Variants in NFIA observed in about 807,000 individuals in gnomAD.
NFIA encodes the protein nuclear factor 1 A-type.
In NFIA, 8 loss-of-function variants were observed where a neutral mutation model predicts 62.8. The ratio of observed to expected loss-of-function variants is 0.13; its 90% CI spans 0.07 to 0.23. The LOEUF (loss-of-function observed/expected upper bound fraction) is 0.23. NFIA is among the 10% of genes least tolerant of loss of function. The probability of loss-of-function intolerance (pLI) is 1.00; values close to 1 mark genes in which losing one functional copy is unlikely to be tolerated. For missense variants in NFIA, 410 were observed against 642.1 expected, an observed-to-expected ratio of 0.64 and a Z score of 3.91; for synonymous variants, 235 against 238.1, an observed-to-expected ratio of 0.99 and a Z score of 0.12.
rs762362241 is a variant in NFIA, at chr1:61,196,928, TGTGTGTGTGTGTGC to T, written c.560-80590_560-80577del. Among the ~76,000 whole-genome samples, 209 of 122,736 alleles carry T rather than the reference TGTGTGTGTGTGTGC, an allele frequency of 1.7e-3. 1 individual carries two copies. Among genetic ancestry groups the T allele is most frequent in the Middle Eastern group, 4.4e-3 (1 of 226 alleles). 80.5% of individuals were successfully genotyped at this position (122,736 alleles called of 152,430 possible). A position where few individuals can be genotyped will look rare whatever the true frequency, so the allele number is the denominator to read the frequency against. ...GTGTGTGTGTGTGTGTGTGTGTGTG[TGTGTGTGTGTGTGC>T]GCGCGCGCGCTGTGTGTGTGTGATG... On this transcript the variant is annotated intron_variant, in intron 2 of 10. Coordinates refer to ENST00000403491, the MANE Select transcript of NFIA (RefSeq NM_001134673.4).
At chr1:61,145,855 G>T (rs1647893172) in intron 2 of NFIA, among the ~76,000 whole-genome samples, 1 of 152,152 alleles carries the variant, frequency 6.6e-6, no homozygotes, top group African/African-American at 2.4e-5. Context: ...CTGGTGCCCT[G>T]GGTTTGTGGG....
intron 10 of NFIA, among the ~76,000 whole-genome samples, chr1:61,435,880 T>C (rs1013309108): frequency 1.3e-5 from 2 of 152,196 alleles, no homozygotes; most frequent in Non-Finnish European, 2.9e-5. Flanking sequence ...ACTCCAGTAG[T>C]TGCACTTGAC....
intron 3 of NFIA, among the ~76,000 whole-genome samples, chr1:61,282,022 A>G (rs1378634959): frequency 6.6e-6 from 1 of 152,212 alleles, no homozygotes; most frequent in Non-Finnish European, 1.5e-5. Flanking sequence ...GCTCTGGAGA[A>G]GCTGAAAACC....
intron 7 of NFIA, among the ~76,000 whole-genome samples, chr1:61,397,414 A>G (rs1367487769): frequency 6.6e-6 from 1 of 152,122 alleles, no homozygotes; most frequent in Non-Finnish European, 1.5e-5. Context: ...TTTTTGTCCA[A>G]GAGACAGGCG....
At chr1:61,168,070 A>T (rs542720304) in intron 2 of NFIA, among the ~76,000 whole-genome samples, 1 of 152,174 alleles carries the variant, frequency 6.6e-6, no homozygotes, top group Admixed American at 6.5e-5. Context: ...AGTGGGGAAC[A>T]TTGTCAGAGC....
intron 4 of NFIA, among the ~76,000 whole-genome samples, chr1:61,351,763 T>C (rs1662558413): frequency 6.6e-6 from 1 of 152,188 alleles, no homozygotes; most frequent in Admixed American, 6.5e-5. Flanking sequence ...CTAATAAATA[T>C]GTTAGGCTTT....
intron 2 of NFIA, among the ~76,000 whole-genome samples, chr1:61,229,002 C>T: frequency 6.6e-6 from 1 of 151,658 alleles, no homozygotes; most frequent in South Asian, 2.1e-4. Context: ...TTATAAGAAC[C>T]CATTAATAAA....
chr1:61,151,213 G>T (rs1648375395), intron 2 of NFIA, among the ~76,000 whole-genome samples: 1 of 151,868 alleles, frequency 6.6e-6, no homozygotes, highest in Non-Finnish European at 1.5e-5. Context: ...GTTGTTGTTT[G>T]TTTGTTTGTT....
intron 2 of NFIA, among the ~76,000 whole-genome samples, chr1:61,264,714 C>T (rs1199499886): frequency 1.3e-5 from 2 of 149,882 alleles, no homozygotes; most frequent in African/African-American, 4.9e-5. Context: ...TGGCAAATCC[C>T]ACACAAACTA....
chr1:61,170,078 A>C (rs912078081), intron 2 of NFIA, among the ~76,000 whole-genome samples: 1 of 152,124 alleles, frequency 6.6e-6, no homozygotes, highest in Non-Finnish European at 1.5e-5. Flanking sequence ...TCAGGCAGTC[A>C]ATTTTATTGA....
At chr1:61,308,341 G>GA (rs535247666) in intron 3 of NFIA, among the ~76,000 whole-genome samples, 7 of 152,100 alleles carry the variant, frequency 4.6e-5, no homozygotes, top group African/African-American at 1.7e-4. Flanking sequence ...TAAATGAGTA[G>GA]AAAAAAATCC....
intron 2 of NFIA, among the ~76,000 whole-genome samples, chr1:61,130,768 A>G (rs192654432): frequency 6.6e-6 from 1 of 152,344 alleles, no homozygotes; most frequent in African/African-American, 2.4e-5. Flanking sequence ...GTTTCCATTA[A>G]GAAAATGAAT....
At chr1:61,224,387 G>A (rs141377364) in intron 2 of NFIA, among the ~76,000 whole-genome samples, 81 of 152,086 alleles carry the variant, frequency 5.3e-4, no homozygotes, top group African/African-American at 1.9e-3. Context: ...GAGTCATGAC[G>A]CACATTAATA....
chr1:61,391,001 A>C (rs543299432), intron 7 of NFIA, among the ~76,000 whole-genome samples: 1 of 152,322 alleles, frequency 6.6e-6, no homozygotes, highest in East Asian at 1.9e-4. Context: ...AGAAAGAGGC[A>C]TGGCATGTTT....
At chr1:61,382,656 T>A (rs1440540117) in intron 6 of NFIA, among the ~76,000 whole-genome samples, 1 of 152,242 alleles carries the variant, frequency 6.6e-6, no homozygotes, top group East Asian at 1.9e-4. Flanking sequence ...CTTACATTGG[T>A]TATACCATAC....
rs868221175 is a variant in NFIA at position 61,406,587 on chromosome 1, T to G, written c.1280T>G (p.Val427Gly). Reference protein sequence around the residue: ...LNPNGSSQGKVHNPFLPTPML... With the variant: ...LNPNGSSQGKGHNPFLPTPML... ...CCCAATGGGAGCAGCCAAGGCAAGG[T>G]GCACAACCCATTCCTTCCCACCCCA... The change falls in exon 9 of 11, where the codon GTG becomes GGG. Residue 427 changes from valine (V) to glycine (G), a missense_variant. Val to Gly is a moderately radical substitution (Grantham distance 109). This residue lies in a region of NFIA where 298 missense variants were observed against 438.1 expected (regional missense o/e 0.68). Coordinates refer to ENST00000403491, the MANE Select transcript of NFIA (RefSeq NM_001134673.4). 2.4e-6 allele frequency: 3 copies of G among 1,227,236 alleles called. No individual in the cohort carries two copies. Among genetic ancestry groups the G allele is most frequent in the Non-Finnish European group, 2.2e-6 (2 of 919,296 alleles). 76.0% of individuals were successfully genotyped at this position (1,227,236 alleles called of 1,614,324 possible).
intron 3 of NFIA, among the ~76,000 whole-genome samples, chr1:61,322,471 G>T (rs1200204024): frequency 6.6e-6 from 1 of 152,088 alleles, no homozygotes; most frequent in Non-Finnish European, 1.5e-5. Flanking sequence ...CTATTCCACG[G>T]GTGTGTGCCT....
At chr1:61,196,640 C>A (rs770511727) in intron 2 of NFIA, among the ~76,000 whole-genome samples, 27 of 151,818 alleles carry the variant, frequency 1.8e-4, no homozygotes, top group Non-Finnish European at 3.8e-4. Flanking sequence ...TGTGCAAATG[C>A]ATATTTGCTG....
intron 3 of NFIA, among the ~76,000 whole-genome samples, chr1:61,330,447 A>C (rs56239130): frequency 0.52 from 61,104 of 117,086 alleles, 16,759 homozygotes; most frequent in Admixed American, 0.64. Context: ...CCCCCCCCAC[A>C]CACACACACA....
Sources: gnomAD v4.1 joint callset for allele counts (sites outside exome capture counted in the v4.1 genomes callset) on GRCh38, gnomAD v4.1.1 for gene constraint, gnomAD v4.1.1 regional missense constraint, MANE v1.5 for transcripts, NCBI Gene and HGNC (gene_info 2026-07-23, HGNC 2026-07-21) for gene names.